ITGA9: variants seen among roughly 807,000 people sequenced by gnomAD.
ITGA9 encodes the protein integrin subunit alpha 9.
Under a neutral mutation model 127.8 loss-of-function variants are expected in ITGA9, and 56 were observed. The observed-to-expected ratio is 0.44, with a 90% CI of 0.35 to 0.55. ITGA9 has a LOEUF of 0.55. ITGA9 is among the 20% of genes least tolerant of loss of function. ITGA9 has a pLI of 0.00. For missense variants in ITGA9, 1,196 were observed against 1,347.1 expected (o/e 0.89, Z 1.76); for synonymous variants, 508 against 514.5 (o/e 0.99, Z 0.17).
intron 1 of ITGA9, among the ~76,000 whole-genome samples, chr3:37,467,770 A>C (rs1053051303): frequency 1.1e-4 from 16 of 152,024 alleles, no homozygotes; most frequent in Admixed American, 5.2e-4. Context: ...TTTTGAGTGG[A>C]AGAGGTATTT....
intron 26 of ITGA9, among the ~76,000 whole-genome samples, chr3:37,793,705 C>G (rs1397570125): frequency 6.6e-6 from 1 of 151,958 alleles, no homozygotes; most frequent in Admixed American, 6.6e-5. Context: ...ATAAATGGGA[C>G]AGGATAGGAA....
intron 15 of ITGA9, among the ~76,000 whole-genome samples, chr3:37,590,284 C>A (rs1699802845): frequency 6.6e-6 from 1 of 152,178 alleles, no homozygotes; most frequent in Non-Finnish European, 1.5e-5. Context: ...CCCTAGCCCC[C>A]TGTTCTCCTG....
At chr3:37,458,246 C>T (rs1000130784) in intron 1 of ITGA9, among the ~76,000 whole-genome samples, 1 of 152,158 alleles carries the variant, frequency 6.6e-6, no homozygotes, top group African/African-American at 2.4e-5. Context: ...TTGTTCAAGG[C>T]CCACCCCAGC....
At chr3:37,515,768 A>G (rs1457953358) in intron 9 of ITGA9, among the ~76,000 whole-genome samples, 1 of 152,142 alleles carries the variant, frequency 6.6e-6, no homozygotes, top group Non-Finnish European at 1.5e-5. Flanking sequence ...AGCAAGGTGC[A>G]GTGGTGGTTG....
At chr3:37,492,027 C>G (rs1371829415) in intron 4 of ITGA9, among the ~76,000 whole-genome samples, 3 of 152,166 alleles carry the variant, frequency 2.0e-5, no homozygotes, top group African/African-American at 4.8e-5. Context: ...ACTAACTTTC[C>G]TAGACTAGAG....
At chr3:37,642,383 C>T (rs958104785) in intron 16 of ITGA9, among the ~76,000 whole-genome samples, 4 of 152,256 alleles carry the variant, frequency 2.6e-5, no homozygotes, top group Non-Finnish European at 5.9e-5. Context: ...TGATCCGCAA[C>T]ACCTGGCAGA....
chr3:37,752,642 GC>G (rs1383570769), intron 23 of ITGA9, among the ~76,000 whole-genome samples: 1 of 152,214 alleles, frequency 6.6e-6, no homozygotes, highest in Non-Finnish European at 1.5e-5. Flanking sequence ...CGCCCTATGG[GC>G]CCTGGGCTGT....
intron 19 of ITGA9, among the ~76,000 whole-genome samples, chr3:37,735,877 T>C (rs6792467): frequency 0.52 from 79,445 of 152,116 alleles, 23,210 homozygotes; most frequent in African/African-American, 0.8. Context: ...TTCACCTTAG[T>C]CAGTTCAGTC....
At chr3:37,754,674 G>A (rs1232383659) in intron 23 of ITGA9, among the ~76,000 whole-genome samples, 1 of 152,142 alleles carries the variant, frequency 6.6e-6, no homozygotes, top group Non-Finnish European at 1.5e-5. Flanking sequence ...GTACCATTAG[G>A]ACATTGACTT....
intron 18 of ITGA9, among the ~76,000 whole-genome samples, chr3:37,723,292 T>A (rs2125684899): frequency 6.6e-6 from 1 of 152,084 alleles, no homozygotes; most frequent in South Asian, 2.1e-4. Flanking sequence ...TTGAAACACA[T>A]GAGTTTTAAA....
At chr3:37,628,189 G>A (rs762141351) in intron 15 of ITGA9, among the ~76,000 whole-genome samples, 4 of 152,108 alleles carry the variant, frequency 2.6e-5, no homozygotes, top group Admixed American at 6.5e-5. Flanking sequence ...CCAGGGACTC[G>A]GCTGTTTGAG....
chr3:37,759,075 ACC>A (rs778223110), intron 23 of ITGA9, among the ~76,000 whole-genome samples: 32 of 129,804 alleles, frequency 2.5e-4, no homozygotes, highest in African/African-American at 9.8e-4. Context: ...ATATATATAT[ACC>A]CACACACACA....
intron 3 of ITGA9, among the ~76,000 whole-genome samples, chr3:37,476,218 C>T (rs1698492677): frequency 1.3e-5 from 2 of 152,210 alleles, no homozygotes; most frequent in Non-Finnish European, 2.9e-5. Context: ...AGTGGGATTA[C>T]TGGATCAAAT....
chr3:37,646,075 A>T (rs11716018), intron 16 of ITGA9, among the ~76,000 whole-genome samples: 6,344 of 152,286 alleles, frequency 0.042, 161 homozygotes, highest in Non-Finnish European at 0.049. Context: ...ATTCATTGAA[A>T]TCTTTTTTTT....
At chr3:37,484,885 T>C (rs1223370337) in intron 4 of ITGA9, among the ~76,000 whole-genome samples, 1 of 152,244 alleles carries the variant, frequency 6.6e-6, no homozygotes, top group East Asian at 1.9e-4. Context: ...CTTGCTAATA[T>C]ATGCTAAGCA....
intron 4 of ITGA9, among the ~76,000 whole-genome samples, chr3:37,484,758 A>G (rs1049639833): frequency 3.9e-5 from 6 of 152,130 alleles, no homozygotes; most frequent in Admixed American, 2.6e-4. Flanking sequence ...ACTTCCTCTT[A>G]TTAACAGTGT....
intron 19 of ITGA9, among the ~76,000 whole-genome samples, chr3:37,735,306 T>C (rs1227621902): frequency 6.6e-6 from 1 of 152,160 alleles, no homozygotes; most frequent in Non-Finnish European, 1.5e-5. Flanking sequence ...TCTTGTCCTC[T>C]TCCCGCCCTG....
rs148926112 is a variant in ITGA9 at position 37,543,129 on chromosome 3, T to G, written c.1689+544T>G. Among the ~76,000 whole-genome samples the G allele has an allele frequency of 4.5e-4, 69 of 152,326 alleles. 1 individual carries two copies. The highest frequency in any genetic ancestry group is 1.2e-3 in the South Asian group (6 of 4,820). ...AATAAACTTGCAAATGTTTTTCTCCTCTTGAAATTGTTTGTTAAATACACT... is the reference window on the plus strand; with the variant it reads ...AATAAACTTGCAAATGTTTTTCTCCGCTTGAAATTGTTTGTTAAATACACT... On this transcript the variant is annotated intron_variant, in intron 15 of 27. Transcript: ENST00000264741.
intron 18 of ITGA9, among the ~76,000 whole-genome samples, chr3:37,721,670 T>C (rs899981666): frequency 6.6e-6 from 1 of 152,198 alleles, no homozygotes; most frequent in Non-Finnish European, 1.5e-5. Context: ...TAATCACCTC[T>C]GGTTCCCTCG....
Sources: allele counts gnomAD v4.1 joint callset (sites outside exome capture counted in the v4.1 genomes callset), GRCh38; gene constraint gnomAD v4.1.1; transcripts MANE v1.5; gene names NCBI Gene and HGNC (gene_info 2026-07-23, HGNC 2026-07-21).